The following TUB variants were observed in gnomAD, a reference collection of about 807,000 sequenced individuals.
TUB encodes the protein tubby protein homolog.
TUB carries 33 observed loss-of-function variants against 59.7 expected under a neutral mutation model. The ratio of observed to expected loss-of-function variants is 0.55; its 90% confidence interval spans 0.42 to 0.74. The LOEUF (loss-of-function observed/expected upper bound fraction) is 0.74. Among genes scored for constraint, TUB ranks in the 30% least tolerant of loss-of-function variants. The probability of loss-of-function intolerance (pLI) is 0.00; values close to 1 mark genes in which losing one functional copy is unlikely to be tolerated. For synonymous variants in TUB, 293 were observed against 256.4 expected, an observed-to-expected ratio of 1.14 and a Z score of -1.36; for missense variants, 659 against 672.0, an observed-to-expected ratio of 0.98 and a Z score of 0.21.
At chr11:8,047,977 A>G (rs1428633172) in intron 2 of TUB, among the ~76,000 whole-genome samples, 1 of 150,986 alleles carries the variant, frequency 6.6e-6, no homozygotes. Context: ...TATATCCTTC[A>G]CTGTCATTTG....
chr11:8,023,698 C>T (rs1942463150), intron 1 of TUB, among the ~76,000 whole-genome samples: 1 of 152,240 alleles, frequency 6.6e-6, no homozygotes, highest in African/African-American at 2.4e-5. Flanking sequence ...ACGGACTCCT[C>T]AAAACTTGGA....
chr11:8,059,289 C>T (rs894452523), intron 2 of TUB, among the ~76,000 whole-genome samples: 1 of 152,194 alleles, frequency 6.6e-6, no homozygotes, highest in South Asian at 2.1e-4. Context: ...CTGTATGGAG[C>T]TCACAGCCCA....
chr11:8,092,092 G>T (rs1943794259), intron 3 of TUB, among the ~76,000 whole-genome samples: 1 of 152,238 alleles, frequency 6.6e-6, no homozygotes, highest in Non-Finnish European at 1.5e-5. Flanking sequence ...ATGATGTCAG[G>T]ACATCAGAAA....
upstream of TUB, among the ~76,000 whole-genome samples, chr11:8,078,652 C>A (rs1022241020): frequency 4.6e-5 from 7 of 152,104 alleles, no homozygotes; most frequent in African/African-American, 7.2e-5. Context: ...TTCTCCTGCA[C>A]GCGTACCATC....
chr11:8,097,637 G>A, intron 7 of TUB, 77 bp from the exon 8 acceptor site: 1 of 1,376,482 alleles, frequency 7.3e-7, no homozygotes, highest in Admixed American at 1.8e-5. Context: ...AACGGAGAGA[G>A]TCTGTGTGAG....
At chr11:8,083,322 G>A (rs937388666) in intron 1 of TUB, among the ~76,000 whole-genome samples, 2 of 152,162 alleles carry the variant, frequency 1.3e-5, no homozygotes, top group African/African-American at 2.4e-5. Flanking sequence ...AGATTATGAC[G>A]TGGTTAGGAT....
chr11:8,065,433 A>G (rs1415379072), intron 2 of TUB, among the ~76,000 whole-genome samples: 5 of 152,202 alleles, frequency 3.3e-5, no homozygotes, highest in South Asian at 2.1e-4. Flanking sequence ...AGGTAGACCT[A>G]TACCTTACTG....
At chr11:8,031,785 C>T (rs904436954) in intron 1 of TUB, among the ~76,000 whole-genome samples, 2 of 152,242 alleles carry the variant, frequency 1.3e-5, no homozygotes, top group Non-Finnish European at 2.9e-5. Context: ...AGGCCCACGG[C>T]GTGTCCTGGA....
intron 1 of TUB, among the ~76,000 whole-genome samples, chr11:8,085,572 C>T (rs1943650824): frequency 6.6e-6 from 1 of 152,206 alleles, no homozygotes; most frequent in Non-Finnish European, 1.5e-5. Flanking sequence ...GCCCTGGTGG[C>T]CTTTCCTCTC....
chr11:8,079,366 G>C (rs542383890), upstream of TUB, among the ~76,000 whole-genome samples: 5 of 152,244 alleles, frequency 3.3e-5, no homozygotes, highest in South Asian at 1.0e-3. Flanking sequence ...TTGCTGCTCT[G>C]CTGCGGTCTC....
intron 2 of TUB, among the ~76,000 whole-genome samples, chr11:8,049,024 T>G (rs1396014865): frequency 2.0e-5 from 3 of 152,192 alleles, no homozygotes; most frequent in African/African-American, 4.8e-5. Context: ...ACCTCAAACA[T>G]AGAGAGCTTA....
upstream of TUB, among the ~76,000 whole-genome samples, chr11:8,078,149 G>A (rs1000727119): frequency 2.0e-5 from 3 of 152,052 alleles, no homozygotes; most frequent in Non-Finnish European, 4.4e-5. Flanking sequence ...GGTGGCCCTG[G>A]GGTCCTCAAG....
intron 2 of TUB, among the ~76,000 whole-genome samples, chr11:8,052,002 A>G (rs1440597748): frequency 6.6e-6 from 1 of 152,192 alleles, no homozygotes; most frequent in Non-Finnish European, 1.5e-5. Context: ...ACATGGTACT[A>G]TTTCTGTACT....
At chr11:8,085,409 G>A (rs187046222) in intron 1 of TUB, among the ~76,000 whole-genome samples, 30 of 152,338 alleles carry the variant, frequency 2.0e-4, no homozygotes, top group African/African-American at 7.2e-4. Context: ...CATCCTGGGA[G>A]GCTGGAACTC....
intron 2 of TUB, among the ~76,000 whole-genome samples, chr11:8,054,215 G>A (rs1015644131): frequency 6.6e-6 from 1 of 152,152 alleles, no homozygotes; most frequent in African/African-American, 2.4e-5. Context: ...TTCTTCTATG[G>A]TTATTAATCT....
intron 11 of TUB, among the ~76,000 whole-genome samples, chr11:8,101,235 C>T (rs1944287363): frequency 6.6e-6 from 1 of 152,218 alleles, no homozygotes; most frequent in Non-Finnish European, 1.5e-5. Flanking sequence ...CGGGAACACC[C>T]TTTAAAAGGA....
chr11:8,022,519 C>T (rs1408713633), intron 1 of TUB, among the ~76,000 whole-genome samples: 1 of 152,176 alleles, frequency 6.6e-6, no homozygotes, highest in Non-Finnish European at 1.5e-5. Context: ...TGTTGTCCGC[C>T]TTGCTTCTGG....
exon 1 of TUB, chr11:8,019,308 G>A: frequency 7.8e-7 from 1 of 1,277,108 alleles, no homozygotes. Flanking sequence ...CGGCGATGGA[G>A]GGAGTCAGCA....
intron 2 of TUB, among the ~76,000 whole-genome samples, chr11:8,048,327 T>G (rs1171485207): frequency 6.6e-6 from 1 of 152,230 alleles, no homozygotes; most frequent in Admixed American, 6.5e-5. Flanking sequence ...AATAAGTGAA[T>G]GAATGTTTTA....
Sources: allele counts gnomAD v4.1 joint callset (sites outside exome capture counted in the v4.1 genomes callset), GRCh38; gene constraint gnomAD v4.1.1; transcripts MANE v1.5; gene names NCBI Gene and HGNC (gene_info 2026-07-23, HGNC 2026-07-21).